Variants in STRA6 observed in about 807,000 individuals in gnomAD.
STRA6 encodes the protein receptor for retinol uptake STRA6.
Under a neutral mutation model 83.6 loss-of-function variants are expected in STRA6, and 48 were observed. That is an observed-to-expected ratio of 0.57 (90% confidence interval 0.46 to 0.73). STRA6 has a LOEUF of 0.73. Ranked by LOEUF, STRA6 falls within the 30% of genes least tolerant of loss-of-function variation. STRA6 has a pLI of 0.00. For synonymous variants in STRA6, 353 were observed against 362.3 expected (o/e 0.97, Z 0.29); for missense variants, 760 against 838.8 (o/e 0.91, Z 1.16).
intron 8 of STRA6, chr15:74,191,893 G>T (rs766970406): frequency 1.5e-5 from 5 of 343,068 alleles, no homozygotes; most frequent in Non-Finnish European, 2.2e-5. Flanking sequence ...ACACAGAAGA[G>T]GGTCATTCCA....
rs767405896 is a variant in STRA6, at chr15:74,180,112, C to T, written c.1972G>A (p.Ala658Thr). 6.2e-7 allele frequency: 1 copy of T among 1,613,646 alleles called. No homozygotes were observed. Among genetic ancestry groups the T allele is most frequent in the East Asian group, 2.2e-5 (1 of 44,844 alleles). Residue 658 changes from alanine (A) to threonine (T), a missense_variant, in exon 19 of 19, where the codon GCC becomes ACC. Transcript: ENST00000395105. Reference sequence around the variant, plus strand: ...TGGGCACCATTGGCACCCAACAGGGCCGTCTTGCGGAAGACCTGCAGGGTT... The same window carrying T: ...TGGGCACCATTGGCACCCAACAGGGTCGTCTTGCGGAAGACCTGCAGGGTT... ...NPTLQVFRKT[A>T]LLGANGAQP
At chr15:74,190,753 G>T in intron 11 of STRA6, 87 bp downstream of exon 11, 1 of 1,600,012 alleles carries the variant, frequency 6.2e-7, no homozygotes, top group Non-Finnish European at 8.6e-7. Flanking sequence ...AGCACCTGGA[G>T]AGCTGGGTTG....
In STRA6 at chr15:74,197,827, C is replaced by T; in HGVS notation, c.114-9G>A. ...GGCAGGAGGGCACTTCCCTGCAGAG[C>T]AAATGAAGGCTGGCTCAGGCCTGCG... On this transcript the variant is annotated splice_polypyrimidine_tract_variant and intron_variant, in intron 2 of 18. Coordinates refer to ENST00000395105, the MANE Select transcript of STRA6 (RefSeq NM_022369.4). 2 of 1,612,360 alleles carry T rather than the reference C, an allele frequency of 1.2e-6. No homozygotes were observed. The highest frequency in any genetic ancestry group is 8.5e-7 in the Non-Finnish European group (1 of 1,179,934).
chr15:74,196,201 C>A, intron 4 of STRA6, 54 bp from the exon 5 acceptor site: 1 of 1,604,854 alleles, frequency 6.2e-7, no homozygotes, highest in Non-Finnish European at 8.5e-7. Context: ...CCTGCACCCC[C>A]ATTACCTCCC....
chr15:74,207,262 C>T (rs1434455560), upstream of STRA6, among the ~76,000 whole-genome samples: 1 of 152,148 alleles, frequency 6.6e-6, no homozygotes, highest in Admixed American at 6.5e-5. Flanking sequence ...AGCAGCATCC[C>T]CAGAACCTCA....
chr15:74,197,944 C>T (rs761456932), intron 2 of STRA6, 126 bp from the exon 3 acceptor site: 9 of 972,012 alleles, frequency 9.3e-6, no homozygotes, highest in Non-Finnish European at 1.4e-5. Flanking sequence ...TCTGATCCCT[C>T]CTACACAAGC....
chr15:74,189,713 G>C (rs1401401729), intron 11 of STRA6, among the ~76,000 whole-genome samples: 4 of 150,818 alleles, frequency 2.7e-5, no homozygotes, highest in African/African-American at 9.8e-5. Context: ...GGCCAGGCTG[G>C]AGTGCAGTGG....
intron 16 of STRA6, 24 bp from the exon 17 acceptor site, chr15:74,181,482 G>A: frequency 1.2e-6 from 2 of 1,611,872 alleles, no homozygotes; most frequent in Non-Finnish European, 1.7e-6. Flanking sequence ...AGAAAGCTGA[G>A]GCAGGCCGTT....
At chr15:74,193,687 A>C (rs1020040751) in intron 8 of STRA6, 113 bp downstream of exon 8, 1 of 1,546,824 alleles carries the variant, frequency 6.5e-7, no homozygotes, top group East Asian at 2.3e-5. Flanking sequence ...CTGAGCATCT[A>C]TTCTGTGCTG....
upstream of STRA6, among the ~76,000 whole-genome samples, chr15:74,207,005 A>G (rs865814745): frequency 9.2e-5 from 14 of 152,364 alleles, no homozygotes; most frequent in African/African-American, 1.2e-4. Context: ...AGTGAAGGCC[A>G]TCTGCCATTT....
At chr15:74,199,247 G>A (rs905525091) in intron 2 of STRA6, among the ~76,000 whole-genome samples, 3 of 152,240 alleles carry the variant, frequency 2.0e-5, no homozygotes, top group Non-Finnish European at 4.4e-5. Context: ...GGGTCAGCTC[G>A]GTCTGTCCTG....
chr15:74,194,332 C>T (rs2073705462), intron 7 of STRA6: 3 of 1,109,564 alleles, frequency 2.7e-6, no homozygotes, highest in East Asian at 1.3e-4. Context: ...CTATGCCCTA[C>T]TCCTCAGGGC....
chr15:74,194,901 C>G (rs1447713608), intron 7 of STRA6: 1 of 1,395,046 alleles, frequency 7.2e-7, no homozygotes, highest in Non-Finnish European at 9.3e-7. Context: ...TCCTCTCAGC[C>G]CTCTTAGACC....
At position 74,182,608 on chromosome 15, in the gene STRA6, C is replaced by T. The variant is rs2073051382; in HGVS notation, c.1301-148G>A. The T allele has an allele frequency of 8.5e-5, 56 of 655,064 alleles. 1 individual carries two copies. In the South Asian group the frequency reaches 1.0e-3, roughly 12 times the overall value. The allele number at this position is 655,064 out of a possible 1,614,324, so 40.6% of individuals were successfully genotyped here. The stretch of plus-strand genomic sequence containing the variant: ...CACTGCCTAGCTATGCTGCCTTGAA[C>T]AAATCACTTTACTTCATTGAGCCTC... On this transcript the variant is annotated intron_variant, in intron 14 of 18. Coordinates refer to ENST00000395105, the MANE Select transcript of STRA6 (RefSeq NM_022369.4).
At chr15:74,182,122 G>C (rs1331408438) in intron 16 of STRA6, 39 bp downstream of exon 16, 3 of 1,553,232 alleles carry the variant, frequency 1.9e-6, no homozygotes, top group Non-Finnish European at 2.7e-6. Context: ...AAGAAGAGGC[G>C]AGGGCCTGAG....
At chr15:74,187,319 C>A (rs2073302793) in intron 12 of STRA6, among the ~76,000 whole-genome samples, 3 of 152,236 alleles carry the variant, frequency 2.0e-5, no homozygotes, top group African/African-American at 7.2e-5. Flanking sequence ...CCTCTGGGAT[C>A]CTGTGCCTGC....
In STRA6 at chr15:74,193,855, C is replaced by T; in HGVS notation, c.665G>A (p.Trp222Ter). ...LLLGLGFLSLWYPVQLVRSFS... is the reference protein window; with the variant it reads ...LLLGLGFLSL ...GCTTCTCACCAGCTGCACAGGGTAC[C>T]AAAGGCTCAGGAATCCGAGGCCCAG... Residue 222 changes from tryptophan (W) to a stop codon, truncating the protein, a stop_gained, in exon 8 of 19, where the codon TGG (tryptophan) becomes TAG (stop). Coordinates refer to ENST00000395105, the MANE Select transcript of STRA6 (RefSeq NM_022369.4). LOFTEE classifies it high-confidence loss of function. 2 of 1,614,004 alleles carry T rather than the reference C, an allele frequency of 1.2e-6. No individual in the cohort carries two copies. Among genetic ancestry groups the T allele is most frequent in the Non-Finnish European group, 1.7e-6 (2 of 1,179,922 alleles).
At chr15:74,181,128 C>T (rs560976868) in intron 17 of STRA6, among the ~76,000 whole-genome samples, 167 bp downstream of exon 17, 1 of 152,278 alleles carries the variant, frequency 6.6e-6, no homozygotes, top group South Asian at 2.1e-4. Flanking sequence ...ATCCACTGCA[C>T]GTGCTGCAGG....
intron 4 of STRA6, among the ~76,000 whole-genome samples, chr15:74,196,460 C>A (rs1235976319): frequency 6.6e-6 from 1 of 152,216 alleles, no homozygotes; most frequent in Non-Finnish European, 1.5e-5. Context: ...AGCTGGCAAA[C>A]CTTCAGAGAA....
Sources: gnomAD v4.1 joint callset for allele counts (sites outside exome capture counted in the v4.1 genomes callset) on GRCh38, gnomAD v4.1.1 for gene constraint, MANE v1.5 for transcripts, NCBI Gene and HGNC (gene_info 2026-07-23, HGNC 2026-07-21) for gene names.